TBC1D22A: variants seen among roughly 807,000 people sequenced by gnomAD.
TBC1D22A encodes putative GTPase activator.
Under a neutral mutation model 60.2 loss-of-function variants are expected in TBC1D22A, and 38 were observed. The ratio of observed to expected loss-of-function variants is 0.63; its 90% CI spans 0.49 to 0.83. TBC1D22A has a LOEUF of 0.83. TBC1D22A is among the 40% of genes least tolerant of loss of function. The pLI, the probability that TBC1D22A is intolerant of heterozygous loss-of-function variation, is 0.00. For synonymous variants in TBC1D22A, 302 were observed against 281.7 expected, an observed-to-expected ratio of 1.07 and a Z score of -0.72; for missense variants, 628 against 701.0, an observed-to-expected ratio of 0.90 and a Z score of 1.18.
intron 8 of TBC1D22A, among the ~76,000 whole-genome samples, chr22:46,941,496 A>G (rs1398957438): frequency 6.9e-6 from 1 of 144,044 alleles, no homozygotes; most frequent in Admixed American, 7.1e-5. Context: ...ATATATATAC[A>G]CGGAATATAT....
At chr22:46,971,289 C>G (rs1157364472) in intron 8 of TBC1D22A, among the ~76,000 whole-genome samples, 1 of 152,186 alleles carries the variant, frequency 6.6e-6, no homozygotes, top group Non-Finnish European at 1.5e-5. Context: ...CGAGTCGGAG[C>G]TGCCACAGCC....
intron 4 of TBC1D22A, among the ~76,000 whole-genome samples, chr22:46,848,241 C>A (rs1423646299): frequency 6.6e-6 from 1 of 152,198 alleles, no homozygotes; most frequent in Admixed American, 6.5e-5. Context: ...TCAGAAGAGC[C>A]CCAGAAGTAT....
rs527546319 is a variant in TBC1D22A at position 46,797,903 on chromosome 22, T to TA, written c.637+284dup. ...TTTTTTAAAATTTGAGACAAGGTCT[T>TA]ACTCTGTTGCCTGGCTGGAGTGCAG... On this transcript the variant is annotated intron_variant, in intron 4 of 12. Transcript: ENST00000337137. Among the ~76,000 whole-genome samples the TA allele has an allele frequency of 3.5e-3, 539 of 152,338 alleles. 4 individuals carry two copies. The highest frequency in any genetic ancestry group is 0.011 in the African/African-American group (476 of 41,574).
intron 8 of TBC1D22A, among the ~76,000 whole-genome samples, chr22:46,925,768 C>T (rs1161158143): frequency 6.6e-6 from 1 of 151,964 alleles, no homozygotes; most frequent in African/African-American, 2.4e-5. Flanking sequence ...AAAAATGAGA[C>T]AAATCAGCAA....
intron 9 of TBC1D22A, among the ~76,000 whole-genome samples, chr22:46,980,442 A>G (rs1472824404): frequency 6.6e-6 from 1 of 152,204 alleles, no homozygotes; most frequent in African/African-American, 2.4e-5. Context: ...TGGCCTCCCA[A>G]AGTGCTGGGA....
In TBC1D22A at chr22:46,762,737, G is replaced by A. The variant is rs2083141548; in HGVS notation, c.-50G>A. 1.4e-6 allele frequency: 2 copies of A among 1,392,082 alleles called. No homozygotes were observed. Among genetic ancestry groups the A allele is most frequent in the Admixed American group, 4.0e-5 (1 of 24,926 alleles). 86.2% of individuals were successfully genotyped at this position (1,392,082 alleles called of 1,614,324 possible). ...AGGAAAGGGCCGCTAGGGGAGGGCC[G>A]GGTGCACTCGGGGTGTCTGGGCCGC... On this transcript the variant is annotated 5_prime_UTR_variant, in exon 1 of 13. Transcript: ENST00000337137.
intron 7 of TBC1D22A, among the ~76,000 whole-genome samples, chr22:46,904,149 A>ATCTATCTATCTATCTG (rs1166059872): frequency 1.3e-5 from 1 of 78,856 alleles, no homozygotes; most frequent in South Asian, 4.4e-4. Flanking sequence ...CTATCTACCT[A>ATCTATCTATCTATCTG]CCTACCTACC....
At chr22:46,772,160 T>C (rs1220043236) in intron 1 of TBC1D22A, among the ~76,000 whole-genome samples, 43 of 2,038 alleles carry the variant, frequency 0.021, 3 homozygotes, top group African/African-American at 0.048. Context: ...TACATATATA[T>C]GTATACACAC....
chr22:46,953,922 A>G (rs907600777), intron 8 of TBC1D22A, among the ~76,000 whole-genome samples: 2 of 152,238 alleles, frequency 1.3e-5, no homozygotes, highest in South Asian at 2.1e-4. Context: ...ATAGGTAAGG[A>G]AGCTGAGAGT....
intron 9 of TBC1D22A, among the ~76,000 whole-genome samples, chr22:46,991,340 G>C (rs140588015): frequency 1.3e-5 from 2 of 152,304 alleles, no homozygotes; most frequent in African/African-American, 4.8e-5. Flanking sequence ...TAGTGAAGAC[G>C]TCAAGGGGAT....
At chr22:47,036,746 G>A (rs375216452) in intron 10 of TBC1D22A, among the ~76,000 whole-genome samples, 6 of 152,202 alleles carry the variant, frequency 3.9e-5, no homozygotes, top group African/African-American at 1.4e-4. Context: ...GGGAAAGAGC[G>A]CCTATCTGTG....
chr22:46,841,463 A>G (rs939068377), intron 4 of TBC1D22A, among the ~76,000 whole-genome samples: 1 of 152,202 alleles, frequency 6.6e-6, no homozygotes, highest in Non-Finnish European at 1.5e-5. Flanking sequence ...AGTCTCAGGT[A>G]TTTTGTTTTA....
chr22:46,864,879 C>T (rs772872928), intron 4 of TBC1D22A, among the ~76,000 whole-genome samples: 10 of 152,110 alleles, frequency 6.6e-5, no homozygotes, highest in East Asian at 1.9e-4. Context: ...GTGGCGTGAT[C>T]GACCGAGTGA....
At chr22:47,027,256 T>A (rs1326262982) in intron 10 of TBC1D22A, among the ~76,000 whole-genome samples, 1 of 152,262 alleles carries the variant, frequency 6.6e-6, no homozygotes, top group Non-Finnish European at 1.5e-5. Flanking sequence ...TGAATTCATA[T>A]TTTGTGCCAT....
chr22:47,042,551 C>G (rs1394666158), intron 11 of TBC1D22A, among the ~76,000 whole-genome samples: 1 of 152,254 alleles, frequency 6.6e-6, no homozygotes, highest in Non-Finnish European at 1.5e-5. Context: ...CTCCTGCACC[C>G]TGTGGGTCTG....
At chr22:47,044,007 G>GTGCTGGGGAGGAGCCTGTCT (rs1404724778) in intron 11 of TBC1D22A, among the ~76,000 whole-genome samples, 47 of 79,160 alleles carry the variant, frequency 5.9e-4, no homozygotes, top group East Asian at 2.4e-3. Context: ...AGCAGGGCAG[G>GTGCTGGGGAGGAGCCTGTCT]GCTCCGCCTT....
chr22:47,056,000 T>C (rs976770932), intron 11 of TBC1D22A, among the ~76,000 whole-genome samples: 1 of 146,162 alleles, frequency 6.8e-6, no homozygotes. Flanking sequence ...CTCCCCATCA[T>C]TGGGACTGTT....
chr22:47,000,278 G>T (rs1272283882), intron 10 of TBC1D22A, among the ~76,000 whole-genome samples: 1 of 152,158 alleles, frequency 6.6e-6, no homozygotes, highest in Non-Finnish European at 1.5e-5. Context: ...GAGAGCTGGA[G>T]GAGGGGGAGG....
chr22:46,957,665 T>G (rs1013737912), intron 8 of TBC1D22A, among the ~76,000 whole-genome samples: 1 of 152,154 alleles, frequency 6.6e-6, no homozygotes, highest in Non-Finnish European at 1.5e-5. Context: ...TGGAACTGGC[T>G]CGGGATCCCA....
Sources: gnomAD v4.1 joint callset for allele counts (sites outside exome capture counted in the v4.1 genomes callset) on GRCh38, gnomAD v4.1.1 for gene constraint, MANE v1.5 for transcripts, NCBI Gene and HGNC (gene_info 2026-07-23, HGNC 2026-07-21) for gene names.